The following PRELID2 variants were observed in gnomAD, a reference collection of about 807,000 sequenced individuals.
PRELID2 encodes PRELI domain-containing protein 2.
In PRELID2, 25 loss-of-function variants were observed where a neutral mutation model predicts 28.4. That is an observed-to-expected ratio of 0.88 (90% CI 0.64 to 1.23). The LOEUF (loss-of-function observed/expected upper bound fraction) is 1.23. PRELID2 is among the 50% of genes most tolerant of loss of function. PRELID2 has a pLI of 0.00. For missense variants in PRELID2, 201 were observed against 214.4 expected (o/e 0.94, Z 0.39); for synonymous variants, 76 against 71.6 (o/e 1.06, Z -0.31).
At chr5:145,634,972 C>G (rs1365984308) in intron 1 of PRELID2, among the ~76,000 whole-genome samples, 1 of 152,210 alleles carries the variant, frequency 6.6e-6, no homozygotes, top group Non-Finnish European at 1.5e-5. Flanking sequence ...TAACCATCCC[C>G]TATTTCCAAC....
At chr5:145,256,143 A>G in the PRELID2 span, among the ~76,000 whole-genome samples, 1 of 151,904 alleles carries the variant, frequency 6.6e-6, no homozygotes, top group Non-Finnish European at 1.5e-5. Flanking sequence ...GCCATAAAAA[A>G]GAATCAATTT....
chr5:145,745,294 T>C (rs1450963853), intron 1 of PRELID2, among the ~76,000 whole-genome samples: 1 of 152,198 alleles, frequency 6.6e-6, no homozygotes, highest in Admixed American at 6.5e-5. Flanking sequence ...CACTTCAGGA[T>C]ATTATCCAGG....
chr5:145,377,136 T>C, the PRELID2 span, among the ~76,000 whole-genome samples: 2 of 152,214 alleles, frequency 1.3e-5, no homozygotes, highest in African/African-American at 4.8e-5. Context: ...TGCTTTAATT[T>C]CATTATTTAC....
chr5:145,640,676 A>G (rs1214828609), intron 1 of PRELID2, among the ~76,000 whole-genome samples: 2 of 151,952 alleles, frequency 1.3e-5, no homozygotes, highest in Non-Finnish European at 2.9e-5. Context: ...AAAAAAAAGA[A>G]AAGAAAATTC....
At chr5:145,642,174 CTGT>C (rs200518201) in intron 1 of PRELID2, among the ~76,000 whole-genome samples, 12,937 of 152,152 alleles carry the variant, frequency 0.085, 759 homozygotes, top group Admixed American at 0.19. Flanking sequence ...TCTCTAGCAC[CTGT>C]TGTTTCCTGA....
chr5:145,818,476 T>C (rs866184837), intron 3 of PRELID2, among the ~76,000 whole-genome samples: 3 of 152,304 alleles, frequency 2.0e-5, no homozygotes, highest in African/African-American at 7.2e-5. Context: ...AATGTATGGT[T>C]TCCTAGGTGA....
chr5:145,676,335 C>T lies in PRELID2; in HGVS notation n.70+88596G>A, dbSNP rs533463077. Among the ~76,000 whole-genome samples, 301 of 151,760 alleles carry T rather than the reference C, an allele frequency of 2.0e-3. 2 individuals carry two copies. Among genetic ancestry groups the T allele is most frequent in the African/African-American group, 6.9e-3 (285 of 41,372 alleles). On this transcript the variant is annotated intron_variant and non_coding_transcript_variant, in intron 1 of 2. Coordinates refer to the PRELID2 transcript ENST00000510259. ...CGGGCAGATCACGAGGTCAGGAGTT[C>T]GAGACCAGCCTGGCCAACATGGTGA...
intron 5 of PRELID2, among the ~76,000 whole-genome samples, chr5:145,767,550 C>T (rs181685131): frequency 2.0e-5 from 3 of 152,188 alleles, no homozygotes; most frequent in Non-Finnish European, 4.4e-5. Context: ...ATAACACGCA[C>T]TCCCTGGGGT....
intron 1 of PRELID2, among the ~76,000 whole-genome samples, chr5:145,632,374 C>T (rs933314262): frequency 1.2e-4 from 19 of 152,112 alleles, no homozygotes; most frequent in Admixed American, 7.2e-4. Flanking sequence ...AATCACTTAA[C>T]GATCTAACAA....
intron 1 of PRELID2, among the ~76,000 whole-genome samples, chr5:145,598,744 T>C (rs1183952726): frequency 6.6e-6 from 1 of 152,112 alleles, no homozygotes; most frequent in Non-Finnish European, 1.5e-5. Flanking sequence ...AAGAGCCACA[T>C]TCCAGTGAGA....
At chr5:145,560,604 C>A (rs1383966966) in intron 1 of PRELID2, among the ~76,000 whole-genome samples, 1 of 152,204 alleles carries the variant, frequency 6.6e-6, no homozygotes, top group Non-Finnish European at 1.5e-5. Flanking sequence ...GCTAATACAG[C>A]CTGTCAGCCA....
chr5:145,361,007 A>C, the PRELID2 span, among the ~76,000 whole-genome samples: 1 of 152,296 alleles, frequency 6.6e-6, no homozygotes, highest in African/African-American at 2.4e-5. Flanking sequence ...ACCCACCTAC[A>C]AGGTTGTTAA....
intron 1 of PRELID2, among the ~76,000 whole-genome samples, chr5:145,598,302 A>G (rs1406209210): frequency 6.6e-6 from 1 of 152,148 alleles, no homozygotes; most frequent in Non-Finnish European, 1.5e-5. Context: ...AGAGTGGAGA[A>G]AGCAGTCTAA....
chr5:145,533,982 G>A (rs749173773), intron 1 of PRELID2, among the ~76,000 whole-genome samples: 4 of 152,030 alleles, frequency 2.6e-5, no homozygotes, highest in Non-Finnish European at 5.9e-5. Flanking sequence ...AGTGATAGAA[G>A]TTGAAATTGG....
chr5:145,739,572 A>G (rs1419654291), intron 1 of PRELID2, among the ~76,000 whole-genome samples: 1 of 152,176 alleles, frequency 6.6e-6, no homozygotes, highest in Non-Finnish European at 1.5e-5. Flanking sequence ...ATATAAATAA[A>G]TATAATAAAC....
At chr5:145,561,749 C>T (rs979975561) in intron 1 of PRELID2, among the ~76,000 whole-genome samples, 1 of 152,158 alleles carries the variant, frequency 6.6e-6, no homozygotes, top group African/African-American at 2.4e-5. Context: ...CTGAGACCAC[C>T]ATCAATATAA....
intron 1 of PRELID2, among the ~76,000 whole-genome samples, chr5:145,496,917 C>T (rs184650955): frequency 8.5e-5 from 13 of 152,202 alleles, no homozygotes; most frequent in African/African-American, 2.9e-4. Flanking sequence ...AGCTGGAGTA[C>T]AGTGGCATGA....
the PRELID2 span, among the ~76,000 whole-genome samples, chr5:145,401,265 C>A: frequency 6.6e-6 from 1 of 151,040 alleles, no homozygotes; most frequent in Non-Finnish European, 1.5e-5. Context: ...AGCCCATTAT[C>A]CTTGGTAAAA....
intron 1 of PRELID2, among the ~76,000 whole-genome samples, chr5:145,502,898 A>G (rs1193648748): frequency 1.3e-5 from 2 of 152,060 alleles, no homozygotes; most frequent in African/African-American, 4.8e-5. Flanking sequence ...GACTTCAAAT[A>G]AATGAGGGCT....
Sources: allele counts gnomAD v4.1 joint callset (sites outside exome capture counted in the v4.1 genomes callset), GRCh38; gene constraint gnomAD v4.1.1; transcripts MANE v1.5; gene names NCBI Gene and HGNC (gene_info 2026-07-23, HGNC 2026-07-21).